Variants in SLC35A1 observed in about 807,000 individuals in gnomAD.
SLC35A1 encodes the protein CMP-sialic acid transporter.
Under a neutral mutation model 40.3 loss-of-function variants are expected in SLC35A1, and 21 were observed. That is an observed-to-expected ratio of 0.52 (90% confidence interval 0.37 to 0.75). The LOEUF (loss-of-function observed/expected upper bound fraction) is 0.75. Ranked by LOEUF, SLC35A1 falls within the 30% of genes least tolerant of loss-of-function variation. The pLI is 0.00. For synonymous variants in SLC35A1, 146 were observed against 147.3 expected, an observed-to-expected ratio of 0.99 and a Z score of 0.06; for missense variants, 297 against 382.1, an observed-to-expected ratio of 0.78 and a Z score of 1.86.
chr6:87,484,565 A>G (rs139104377), intron 2 of SLC35A1, among the ~76,000 whole-genome samples: 198 of 152,252 alleles, frequency 1.3e-3, no homozygotes, highest in African/African-American at 4.0e-3. Context: ...GGCTAATTTA[A>G]AGAGAGTAAC....
chr6:87,482,262 AGAT>A (rs1273260218), intron 2 of SLC35A1, among the ~76,000 whole-genome samples: 1 of 121,406 alleles, frequency 8.2e-6, no homozygotes, highest in African/African-American at 3.1e-5. Context: ...TTTTCCCCCA[AGAT>A]GATAACCATT....
intron 2 of SLC35A1, among the ~76,000 whole-genome samples, chr6:87,491,891 C>T (rs557878582): frequency 6.6e-6 from 1 of 152,294 alleles, no homozygotes; most frequent in South Asian, 2.1e-4. Flanking sequence ...AACCTAAGAC[C>T]CTTCTCCAAA....
intron 2 of SLC35A1, among the ~76,000 whole-genome samples, chr6:87,500,083 CACA>C (rs1040249585): frequency 1.3e-5 from 2 of 151,978 alleles, no homozygotes; most frequent in Non-Finnish European, 1.5e-5. Flanking sequence ...GCCGGGGCGA[CACA>C]ACAAGACTCC....
intron 4 of SLC35A1, among the ~76,000 whole-genome samples, chr6:87,502,513 A>G (rs1056116693): frequency 2.6e-5 from 4 of 152,332 alleles, no homozygotes; most frequent in Admixed American, 6.5e-5. Context: ...TATATAGCCT[A>G]TTGTTCCTAG....
In SLC35A1 at chr6:87,511,401, C is replaced by A. The variant is rs1392145695; in HGVS notation, c.889C>A (p.Leu297Ile). The change falls in exon 8 of 8, where the codon CTC becomes ATC. Residue 297 changes from leucine (L) to isoleucine (I), a missense_variant and splice_region_variant. Physicochemically the swap from Leu to Ile is conservative, Grantham distance 5. Transcript: ENST00000369552. ...SVMLFGLQIT[L>I]TFALGTLLVC... ...GCTATTTTTTTTTTTCTTTTCAGCA[C>A]TCACCTTTGCCCTGGGTACTCTTCT... 1.2e-6 allele frequency: 2 copies of A among 1,613,012 alleles called. No individual in the cohort carries two copies. The highest frequency in any genetic ancestry group is 1.7e-6 in the Non-Finnish European group (2 of 1,179,542).
At chr6:87,508,337 C>T in intron 5 of SLC35A1, 83 bp from the exon 6 acceptor site, 1 of 900,578 alleles carries the variant, frequency 1.1e-6, no homozygotes, top group Non-Finnish European at 1.7e-6. Flanking sequence ...CTTTATATAT[C>T]TCTAGGGTAT....
intron 2 of SLC35A1, among the ~76,000 whole-genome samples, chr6:87,481,091 A>C (rs1260810777): frequency 6.6e-6 from 1 of 152,190 alleles, no homozygotes; most frequent in East Asian, 1.9e-4. Context: ...CAAGTATATA[A>C]TTTATGAGAA....
intron 7 of SLC35A1, among the ~76,000 whole-genome samples, 171 bp downstream of exon 7, chr6:87,509,346 G>T (rs1384983293): frequency 1.3e-5 from 2 of 152,130 alleles, no homozygotes; most frequent in African/African-American, 4.8e-5. Context: ...GTGGGATGTG[G>T]CTAAGCAGTA....
In SLC35A1 at chr6:87,500,559, G is replaced by T; in HGVS notation, c.246G>T (p.Leu82Phe). 2.5e-6 allele frequency: 4 copies of T among 1,613,978 alleles called. No homozygotes were observed. The highest frequency in any genetic ancestry group is 3.4e-6 in the Non-Finnish European group (4 of 1,179,956). ...AAGCATCTTTAAGAGAAAATGTCTTGGGGAGCCCCAAGGAACTGTTGAAGT... is the reference window on the plus strand; with the variant it reads ...AAGCATCTTTAAGAGAAAATGTCTTTGGGAGCCCCAAGGAACTGTTGAAGT... ...RFKASLRENV[L>F]GSPKELLKLS... is the part of the protein sequence containing the mutation. Residue 82 changes from leucine (L) to phenylalanine (F), a missense_variant, in exon 3 of 8, where the codon TTG (leucine) becomes TTT (phenylalanine). Leu to Phe is a conservative substitution (Grantham distance 22). Transcript: ENST00000369552.
chr6:87,473,813 A>G (rs1768989240), intron 1 of SLC35A1, among the ~76,000 whole-genome samples: 1 of 152,248 alleles, frequency 6.6e-6, no homozygotes, highest in African/African-American at 2.4e-5. Flanking sequence ...AACCAGGAGA[A>G]GTTGGGCAAC....
intron 2 of SLC35A1, among the ~76,000 whole-genome samples, chr6:87,490,542 C>A (rs1769518011): frequency 6.6e-6 from 1 of 152,044 alleles, no homozygotes; most frequent in East Asian, 1.9e-4. Flanking sequence ...CCATGTTGGC[C>A]AGGCTGGTCT....
At chr6:87,511,065 ATATATT>A (rs1284763207) in intron 7 of SLC35A1, among the ~76,000 whole-genome samples, 3 of 152,058 alleles carry the variant, frequency 2.0e-5, no homozygotes, top group Non-Finnish European at 4.4e-5. Context: ...TTGTACTTAT[ATATATT>A]TATACTTACA....
At chr6:87,510,326 T>C (rs925029045) in intron 7 of SLC35A1, among the ~76,000 whole-genome samples, 1 of 152,178 alleles carries the variant, frequency 6.6e-6, no homozygotes, top group Non-Finnish European at 1.5e-5. Context: ...CCTTATACCA[T>C]TGCTCATAAG....
intron 2 of SLC35A1, chr6:87,495,983 A>G (rs529885018): frequency 6.6e-6 from 1 of 152,294 alleles, no homozygotes; most frequent in East Asian, 1.9e-4. Flanking sequence ...TGAGTTAATT[A>G]TACTTAACTT....
intron 4 of SLC35A1, among the ~76,000 whole-genome samples, chr6:87,506,053 GAAATTA>G (rs1332103540): frequency 3.9e-5 from 6 of 152,280 alleles, no homozygotes; most frequent in African/African-American, 1.2e-4. Context: ...AGTGATAATA[GAAATTA>G]AAATTAAGTA....
intron 2 of SLC35A1, among the ~76,000 whole-genome samples, chr6:87,477,895 G>T (rs1769121115): frequency 6.6e-6 from 1 of 152,138 alleles, no homozygotes; most frequent in Non-Finnish European, 1.5e-5. Context: ...CCCTGGTTTT[G>T]GTGTAATGGA....
At chr6:87,483,811 G>T (rs190561260) in intron 2 of SLC35A1, among the ~76,000 whole-genome samples, 1 of 152,222 alleles carries the variant, frequency 6.6e-6, no homozygotes, top group Admixed American at 6.5e-5. Flanking sequence ...TCCCACTCAT[G>T]TTGTCCTCTC....
In SLC35A1 at chr6:87,511,463, A is replaced by C; in HGVS notation, c.951A>C (p.Arg317Ser). The change falls in exon 8 of 8, where the codon AGA becomes AGC. Residue 317 changes from arginine (R) to serine (S), a missense_variant. Transcript: ENST00000369552. Reference sequence around the variant, plus strand: ...CCATATATCTCTATGGATTACCCAGACAAGACACTACATCCATCCAACAAG... The same window carrying C: ...CCATATATCTCTATGGATTACCCAGCCAAGACACTACATCCATCCAACAAG... ...CVSIYLYGLP[R>S]QDTTSIQQGE... The C allele has an allele frequency of 1.9e-6, 3 of 1,613,796 alleles. No individual in the cohort carries two copies. Among genetic ancestry groups the C allele is most frequent in the Non-Finnish European group, 2.5e-6 (3 of 1,179,788 alleles).
chr6:87,480,185 C>T (rs1769205724), intron 2 of SLC35A1, among the ~76,000 whole-genome samples: 1 of 152,206 alleles, frequency 6.6e-6, no homozygotes, highest in African/African-American at 2.4e-5. Context: ...TCGTTAGAGA[C>T]ACGAGGTAAA....
Sources: gnomAD v4.1 joint callset for allele counts (sites outside exome capture counted in the v4.1 genomes callset) on GRCh38, gnomAD v4.1.1 for gene constraint, MANE v1.5 for transcripts, NCBI Gene and HGNC (gene_info 2026-07-23, HGNC 2026-07-21) for gene names.